The following MAGI2 variants were observed in gnomAD, a reference collection of about 807,000 sequenced individuals.
MAGI2 encodes membrane associated guanylate kinase, WW and PDZ domain containing 2.
A neutral mutation model predicts 133.3 loss-of-function variants in MAGI2; 35 were observed. The observed-to-expected ratio is 0.26, with a 90% CI of 0.20 to 0.35. The LOEUF is 0.35. Among genes scored for constraint, MAGI2 ranks in the 10% least tolerant of loss-of-function variants. MAGI2 has a pLI of 1.00. For synonymous variants in MAGI2, 729 were observed against 710.6 expected, an observed-to-expected ratio of 1.03 and a Z score of -0.41; for missense variants, 1,636 against 1,863.4, an observed-to-expected ratio of 0.88 and a Z score of 2.25.
At position 78,127,456 on chromosome 7, in the gene MAGI2, A is replaced by C. The variant is rs185894889; in HGVS notation, c.3204-40T>G. 180 of 1,504,594 alleles carry C rather than the reference A, an allele frequency of 1.2e-4. No homozygotes were observed. The East Asian group carries it at 3.7e-3, about 31-fold the overall frequency. 93.2% of individuals were successfully genotyped at this position (1,504,594 alleles called of 1,614,324 possible). On this transcript the variant is annotated intron_variant, in intron 18 of 21. Transcript: ENST00000354212. ...ATGGGATTTGCTTTTGTAACTCTGC[A>C]TTCTAAAGAGGCTAGAGTGATCACA...
At chr7:78,159,966 C>G (rs1824805446) in intron 16 of MAGI2, 59 bp downstream of exon 16, 1 of 1,509,892 alleles carries the variant, frequency 6.6e-7, no homozygotes, top group Non-Finnish European at 8.9e-7. Context: ...GTATCTGTAT[C>G]ACTGGAACAA....
At chr7:79,045,096 T>C (rs1412161094) in intron 1 of MAGI2, among the ~76,000 whole-genome samples, 1 of 152,214 alleles carries the variant, frequency 6.6e-6, no homozygotes, top group Non-Finnish European at 1.5e-5. Flanking sequence ...TGGATGAATT[T>C]CAGAAACATT....
At chr7:78,408,574 A>G (rs942584334) in intron 6 of MAGI2, among the ~76,000 whole-genome samples, 2 of 152,118 alleles carry the variant, frequency 1.3e-5, no homozygotes, top group South Asian at 4.1e-4. Flanking sequence ...ACTGCTTCTT[A>G]AAAAGTGTAA....
intron 2 of MAGI2, among the ~76,000 whole-genome samples, chr7:78,958,649 C>T (rs1802599355): frequency 6.6e-6 from 1 of 152,042 alleles, no homozygotes; most frequent in Non-Finnish European, 1.5e-5. Flanking sequence ...TGGGAACATG[C>T]GGTTCATGTG....
chr7:78,773,537 A>T (rs1825751440), intron 2 of MAGI2, among the ~76,000 whole-genome samples: 1 of 152,246 alleles, frequency 6.6e-6, no homozygotes, highest in South Asian at 2.1e-4. Flanking sequence ...GGGGTACAAG[A>T]AAAAGAAAAC....
chr7:78,610,669 A>T (rs1806338140), intron 3 of MAGI2, among the ~76,000 whole-genome samples: 1 of 152,220 alleles, frequency 6.6e-6, no homozygotes, highest in Admixed American at 6.5e-5. Context: ...TATGGTAGGC[A>T]GTATATTTTC....
chr7:78,927,779 C>A (rs558258186), intron 2 of MAGI2, among the ~76,000 whole-genome samples: 18 of 151,626 alleles, frequency 1.2e-4, no homozygotes, highest in Non-Finnish European at 2.4e-4. Context: ...TTTCTTCTTC[C>A]TCCATTTCTG....
chr7:78,031,207 T>C (rs1460607379), intron 21 of MAGI2, among the ~76,000 whole-genome samples: 6 of 152,130 alleles, frequency 3.9e-5, no homozygotes, highest in Non-Finnish European at 4.4e-5. Context: ...GGGCTGGGTG[T>C]AGGAGGAGGC....
intron 2 of MAGI2, among the ~76,000 whole-genome samples, chr7:78,780,528 C>T (rs1826311656): frequency 6.6e-6 from 1 of 152,184 alleles, no homozygotes; most frequent in South Asian, 2.1e-4. Flanking sequence ...TAGTATTTCT[C>T]TTTCAGTTCC....
At chr7:78,109,071 G>A (rs1367015817) in intron 20 of MAGI2, among the ~76,000 whole-genome samples, 11 of 149,854 alleles carry the variant, frequency 7.3e-5, no homozygotes, top group Middle Eastern at 7.5e-3. Flanking sequence ...TTGGGAGGCC[G>A]AGGCGGGCGG....
At chr7:78,708,764 A>G (rs571839563) in intron 2 of MAGI2, among the ~76,000 whole-genome samples, 3 of 152,138 alleles carry the variant, frequency 2.0e-5, no homozygotes, top group Non-Finnish European at 4.4e-5. Context: ...ATAGGTATCA[A>G]TAACTCCATT....
intron 6 of MAGI2, among the ~76,000 whole-genome samples, chr7:78,463,036 G>T (rs1473446826): frequency 6.6e-6 from 1 of 152,228 alleles, no homozygotes; most frequent in Non-Finnish European, 1.5e-5. Context: ...GCTATGGCTA[G>T]AGTTAAATGG....
At chr7:78,826,222 C>T (rs1790623533) in intron 2 of MAGI2, among the ~76,000 whole-genome samples, 1 of 151,646 alleles carries the variant, frequency 6.6e-6, no homozygotes, top group Non-Finnish European at 1.5e-5. Context: ...GGTGTGGTGG[C>T]AGGCGCCTGT....
chr7:78,205,986 C>G (rs182573485), intron 10 of MAGI2, among the ~76,000 whole-genome samples: 3 of 152,292 alleles, frequency 2.0e-5, no homozygotes, highest in Non-Finnish European at 2.9e-5. Flanking sequence ...AGGCCATTTT[C>G]AAACTGCTTG....
intron 1 of MAGI2, among the ~76,000 whole-genome samples, chr7:79,200,588 G>A (rs1391030311): frequency 6.6e-6 from 1 of 150,486 alleles, no homozygotes; most frequent in Non-Finnish European, 1.5e-5. Context: ...TGCAGCCTGG[G>A]TGACAGAATG....
intron 3 of MAGI2, among the ~76,000 whole-genome samples, chr7:78,526,658 T>C (rs1796978213): frequency 6.6e-6 from 1 of 152,210 alleles, no homozygotes; most frequent in African/African-American, 2.4e-5. Context: ...CAGATTCTTT[T>C]TTTCATAAAG....
At chr7:79,006,753 C>T (rs2116519714) in intron 2 of MAGI2, 1 of 186,380 alleles carries the variant, frequency 5.4e-6, no homozygotes, top group South Asian at 1.8e-4. Flanking sequence ...TTTGCATTCT[C>T]CTGTCTCCCA....
intron 2 of MAGI2, among the ~76,000 whole-genome samples, chr7:78,740,159 T>TAAA (rs1211881071): frequency 7.2e-6 from 1 of 138,682 alleles, no homozygotes; most frequent in Non-Finnish European, 1.6e-5. Context: ...AGACTCTGTC[T>TAAA]AAAAAAAAAA....
chr7:79,036,813 G>A (rs1012016988), intron 1 of MAGI2, among the ~76,000 whole-genome samples: 2 of 152,234 alleles, frequency 1.3e-5, no homozygotes, highest in Admixed American at 1.3e-4. Flanking sequence ...TAAAATAACC[G>A]CCAGAGGTAA....
Sources: allele counts gnomAD v4.1 joint callset (sites outside exome capture counted in the v4.1 genomes callset), GRCh38; gene constraint gnomAD v4.1.1; transcripts MANE v1.5; gene names NCBI Gene and HGNC (gene_info 2026-07-23, HGNC 2026-07-21).